The following MYT1L variants were observed in gnomAD, a reference collection of about 807,000 sequenced individuals.
MYT1L encodes the protein myelin transcription factor 1 like.
A neutral mutation model predicts 126.7 loss-of-function variants in MYT1L; 12 were observed. That is an observed-to-expected ratio of 0.09 (90% CI 0.06 to 0.15). MYT1L has a LOEUF of 0.15. MYT1L is among the 10% of genes least tolerant of loss of function. MYT1L has a pLI of 1.00. For missense variants in MYT1L, 979 were observed against 1,585.2 expected, an observed-to-expected ratio of 0.62 and a Z score of 6.49; for synonymous variants, 541 against 604.2, an observed-to-expected ratio of 0.90 and a Z score of 1.53.
intron 2 of MYT1L, among the ~76,000 whole-genome samples, chr2:2,265,857 T>G (rs78086262): frequency 0.068 from 10,341 of 152,188 alleles, 411 homozygotes; most frequent in South Asian, 0.13. Flanking sequence ...TGATGGGATC[T>G]GGGGCCCTAA....
At chr2:2,159,339 G>A (rs889089836) in intron 3 of MYT1L, among the ~76,000 whole-genome samples, 8 of 152,118 alleles carry the variant, frequency 5.3e-5, no homozygotes, top group East Asian at 1.9e-4. Context: ...CTTAGGTGTC[G>A]GCACTGAACA....
chr2:2,138,412 C>T (rs1261577831), intron 3 of MYT1L, among the ~76,000 whole-genome samples: 1 of 136,496 alleles, frequency 7.3e-6, no homozygotes, highest in African/African-American at 2.8e-5. Flanking sequence ...TATTGCGGCA[C>T]TATTCACAAT....
intron 2 of MYT1L, among the ~76,000 whole-genome samples, chr2:2,243,181 G>A (rs1343163520): frequency 1.3e-5 from 2 of 152,174 alleles, no homozygotes; most frequent in Admixed American, 6.5e-5. Context: ...TTGAGGAATT[G>A]AAATTGTCTT....
intron 22 of MYT1L, among the ~76,000 whole-genome samples, chr2:1,803,530 A>G (rs1177431499): frequency 6.6e-6 from 1 of 152,268 alleles, no homozygotes; most frequent in Non-Finnish European, 1.5e-5. Flanking sequence ...CTGTTCTGAC[A>G]GAAGTCAGTG....
rs2066790795 is a variant in MYT1L, at chr2:2,034,410, T to TC, written c.-158+19567dup. Among the ~76,000 whole-genome samples the TC allele has an allele frequency of 1.2e-3, 5 of 4,026 alleles. 1 individual carries two copies. In the South Asian group the frequency reaches 0.056, roughly 45 times the overall value. 2.6% of individuals were successfully genotyped at this position (4,026 alleles called of 152,430 possible). Reference sequence around the variant, plus strand: ...AACTTCTCCCCAACAATCTCCACCCTCCAATGCGGGTGCAGAAGAGAGCTC... The same window carrying TC: ...AACTTCTCCCCAACAATCTCCACCCTCCCAATGCGGGTGCAGAAGAGAGCTC... On this transcript the variant is annotated intron_variant, in intron 4 of 24. Transcript: ENST00000647738.
intron 3 of MYT1L, among the ~76,000 whole-genome samples, chr2:2,085,486 C>G (rs1184087351): frequency 6.6e-6 from 1 of 152,284 alleles, no homozygotes; most frequent in Non-Finnish European, 1.5e-5. Context: ...CCCTTTCCCA[C>G]CCCCAGAATA....
At chr2:2,066,970 G>A (rs911944491) in intron 3 of MYT1L, among the ~76,000 whole-genome samples, 1 of 152,178 alleles carries the variant, frequency 6.6e-6, no homozygotes, top group African/African-American at 2.4e-5. Flanking sequence ...CTGAATCAAC[G>A]GAGAGATAAA....
In MYT1L at chr2:1,979,022, T is replaced by G; in HGVS notation, c.152+143A>C. The G allele has an allele frequency of 3.0e-6, 2 of 674,478 alleles. No homozygotes were observed. The highest frequency in any genetic ancestry group is 5.2e-6 in the Non-Finnish European group (2 of 386,424). 41.8% of individuals were successfully genotyped at this position (674,478 alleles called of 1,614,324 possible). ...GAGAACCCTTTCAAGAGACAAAGAC[T>G]GAGTTCCAGTGTGAGAAGAAAAAGA... On this transcript the variant is annotated intron_variant, in intron 8 of 24. Coordinates refer to ENST00000647738, the MANE Select transcript of MYT1L (RefSeq NM_001303052.2). This position sits in a 1 kb window ranked among gnomAD's most constrained non-coding sequence, Gnocchi z 4.0.
rs1187878664 is a variant in MYT1L at position 2,108,369 on chromosome 2, AGGGGCATGATT to A, written c.-303-54257_-303-54247del. ...CCTCCCCACAGCTTACCCTTCATAC[AGGGGCATGATT>A]AACCAAGGCCTAACTCTATTCTATG... On this transcript the variant is annotated intron_variant, in intron 3 of 24. Transcript: ENST00000647738. 3.3e-5 allele frequency among the ~76,000 whole-genome samples: 5 copies of A among 152,300 alleles called. No individual in the cohort carries two copies. In the East Asian group the frequency reaches 9.7e-4, roughly 29 times the overall value.
At chr2:2,027,050 C>T (rs574701373) in intron 4 of MYT1L, among the ~76,000 whole-genome samples, 22 of 152,274 alleles carry the variant, frequency 1.4e-4, no homozygotes, top group African/African-American at 5.1e-4. Context: ...GGACCCCTCG[C>T]CACCTCCAGC....
intron 3 of MYT1L, among the ~76,000 whole-genome samples, chr2:2,057,561 C>T (rs1261133169): frequency 6.6e-6 from 1 of 152,184 alleles, no homozygotes; most frequent in East Asian, 1.9e-4. Flanking sequence ...TAACCAAGCC[C>T]AGCCTCTTTC....
rs563943195 is a variant in MYT1L, at chr2:1,847,144, T to C, written c.2774+4497A>G. Among the ~76,000 whole-genome samples, 3 of 152,308 alleles carry C rather than the reference T, an allele frequency of 2.0e-5. No homozygotes were observed. The East Asian group carries it at 5.8e-4, about 29-fold the overall frequency. On this transcript the variant is annotated intron_variant, in intron 19 of 24. Coordinates refer to ENST00000647738, the MANE Select transcript of MYT1L (RefSeq NM_001303052.2). ...AAGAGCAGAGTGGAAGTGCTCCAGG[T>C]GAGCACAGGCGCTGACAAGACGGGC...
intron 2 of MYT1L, among the ~76,000 whole-genome samples, chr2:2,259,713 C>A (rs979916188): frequency 2.6e-5 from 4 of 152,018 alleles, no homozygotes; most frequent in African/African-American, 9.7e-5. Flanking sequence ...AGTGCTAATC[C>A]CCCTGGGATG....
At chr2:1,978,400 T>C (rs139315046) in intron 8 of MYT1L, among the ~76,000 whole-genome samples, 14 of 152,180 alleles carry the variant, frequency 9.2e-5, no homozygotes, top group African/African-American at 3.1e-4. Context: ...AACCTTTCTA[T>C]TGAAAGACAC....
In MYT1L at chr2:2,115,512, A is replaced by G. The variant is rs943816162; in HGVS notation, c.-304+57360T>C. ...CTCTATTTATAGAAAAAGAAACATT[A>G]GAAAGCGAAGTGACAATGAACAGAA... On this transcript the variant is annotated intron_variant, in intron 3 of 24. Coordinates refer to ENST00000647738, the MANE Select transcript of MYT1L (RefSeq NM_001303052.2). 2.6e-5 allele frequency among the ~76,000 whole-genome samples: 4 copies of G among 152,390 alleles called. No individual in the cohort carries two copies. The East Asian group carries it at 7.7e-4, about 29-fold the overall frequency.
intron 2 of MYT1L, among the ~76,000 whole-genome samples, chr2:2,266,120 C>T (rs2095123738): frequency 6.6e-6 from 1 of 152,152 alleles, no homozygotes; most frequent in Non-Finnish European, 1.5e-5. Context: ...CTCATTCAGT[C>T]TTCACAATAG....
intron 21 of MYT1L, chr2:1,810,038 G>A (rs1040260816): frequency 2.6e-5 from 4 of 152,028 alleles, no homozygotes; most frequent in Non-Finnish European, 4.4e-5. Context: ...GCTCCTGGAC[G>A]TGCTGGTCAA....
In MYT1L at chr2:1,815,936, T is replaced by C. The variant is rs561180259; in HGVS notation, c.3081-6769A>G. 2.6e-5 allele frequency among the ~76,000 whole-genome samples: 4 copies of C among 152,314 alleles called. No homozygotes were observed. In the South Asian group the frequency reaches 8.3e-4, roughly 32 times the overall value. On this transcript the variant is annotated intron_variant, in intron 21 of 24. Transcript: ENST00000647738. ...CCCCGAGAAACTCCGTGGCTCCCTG[T>C]GCATCAGCACGCTTCATCACCAATG...
chr2:1,824,361 G>C (rs1269732895), intron 21 of MYT1L: 1 of 152,230 alleles, frequency 6.6e-6, no homozygotes, highest in Non-Finnish European at 1.5e-5. Context: ...CTGCCTTCCT[G>C]GAATGTTCCC....
Sources: gnomAD v4.1 joint callset for allele counts (sites outside exome capture counted in the v4.1 genomes callset) on GRCh38, gnomAD v4.1.1 for gene constraint, Gnocchi (gnomAD v3.1) non-coding constraint, MANE v1.5 for transcripts, NCBI Gene and HGNC (gene_info 2026-07-23, HGNC 2026-07-21) for gene names.